The following ANGEL2 variants were observed in gnomAD, a reference collection of about 807,000 sequenced individuals.
The protein encoded by ANGEL2 is RNA 2',3'-cyclic phosphatase ANGEL2.
A neutral mutation model predicts 66.0 loss-of-function variants in ANGEL2; 41 were observed. The ratio of observed to expected loss-of-function variants is 0.62; its 90% CI spans 0.48 to 0.81. The LOEUF (loss-of-function observed/expected upper bound fraction) is 0.81, where lower values mean the gene tolerates loss of function less well. ANGEL2 is among the 30% of genes least tolerant of loss of function. The pLI is 0.00. For missense variants in ANGEL2, 561 were observed against 641.6 expected, an observed-to-expected ratio of 0.87 and a Z score of 1.36; for synonymous variants, 208 against 226.5, an observed-to-expected ratio of 0.92 and a Z score of 0.73.
At position 213,000,870 on chromosome 1, in the gene ANGEL2, A is replaced by C; in HGVS notation, c.1177T>G (p.Ser393Ala). The C allele has an allele frequency of 6.2e-7, 1 of 1,612,998 alleles. No individual in the cohort carries two copies. Among genetic ancestry groups the C allele is most frequent in the Non-Finnish European group, 8.5e-7 (1 of 1,179,856 alleles). The change falls in exon 6 of 9, where the codon TCT (serine) becomes GCT (alanine). Residue 393 changes from serine to alanine, a missense_variant. By Grantham distance (99) the Ser-to-Ala change is moderately conservative (BLOSUM62 1). Coordinates refer to ENST00000366962, the MANE Select transcript of ANGEL2 (RefSeq NM_144567.5). The part of the protein sequence containing the change: ...EQSSRGQRIL[S>A]IPIWPPNLGI... ...AGGTTTGGGGGCCAAATTGGAATAG[A>C]TAAAATTCTTTGTCCCCGTGAAGAC...
At position 212,993,605 on chromosome 1, in the gene ANGEL2, C is replaced by T. The variant is rs1281709247; in HGVS notation, c.*1436G>A. ...GCATATAATTCCTTGTTCCTACTGT[C>T]TACAAAAAAGGAAATTTCCACTTTT... On this transcript the variant is annotated 3_prime_UTR_variant, in exon 9 of 9. Transcript: ENST00000366962. 1 of 152,124 alleles carries T rather than the reference C, an allele frequency of 6.6e-6. No homozygotes were observed. Among genetic ancestry groups the T allele is most frequent in the African/African-American group, 2.4e-5 (1 of 41,426 alleles). 9.4% of individuals were successfully genotyped at this position (152,124 alleles called of 1,614,324 possible). A position where few individuals can be genotyped will look rare whatever the true frequency, so the allele number is the denominator to read the frequency against.
intron 2 of ANGEL2, among the ~76,000 whole-genome samples, 178 bp downstream of exon 2, chr1:213,012,915 A>AT (rs1424920803): frequency 6.6e-6 from 1 of 152,246 alleles, no homozygotes; most frequent in Non-Finnish European, 1.5e-5. Flanking sequence ...TTAGTTGAAG[A>AT]TAAAAATAAA....
chr1:213,008,184 G>T (rs1211900930), intron 3 of ANGEL2, 26 bp downstream of exon 3: 1 of 1,600,336 alleles, frequency 6.2e-7, no homozygotes, highest in African/African-American at 1.3e-5. Context: ...CTTATGTGAA[G>T]AATTTCAATA....
chr1:213,001,170 G>A (rs1266294634), intron 5 of ANGEL2: 5 of 404,386 alleles, frequency 1.2e-5, no homozygotes, highest in East Asian at 6.0e-5. Context: ...ATCATCTATC[G>A]CTTTGAACTA....
In ANGEL2 at chr1:212,997,158, G is replaced by A. The variant is rs772304924; in HGVS notation, c.1480C>T (p.Pro494Ser). The change falls in exon 8 of 9, where the codon CCA becomes TCA. Residue 494 changes from proline (P) to serine (S), a missense_variant. Pro to Ser is a moderately conservative substitution (Grantham distance 74). Coordinates refer to ENST00000366962, the MANE Select transcript of ANGEL2 (RefSeq NM_144567.5). ...TAAGATTACATGCATTCCTTACCTG[G>A]GTGCCCAGCAACATCTTCCTTTTCT... ...SAEKEDVAGH[P>S]GAEVALVGGL... The A allele has an allele frequency of 4.3e-6, 7 of 1,611,790 alleles. No homozygotes were observed. The highest frequency in any genetic ancestry group is 3.4e-6 in the Non-Finnish European group (4 of 1,178,312).
intron 8 of ANGEL2, among the ~76,000 whole-genome samples, chr1:212,996,269 T>C (rs879409859): frequency 2.2e-4 from 34 of 152,216 alleles, no homozygotes; most frequent in South Asian, 1.0e-3. Context: ...ATAGCGCCAC[T>C]GCACTCCAGC....
At chr1:213,000,648 G>GA in intron 6 of ANGEL2, 138 bp downstream of exon 6, 40 of 1,018,966 alleles carry the variant, frequency 3.9e-5, no homozygotes, top group Non-Finnish European at 4.7e-5. Context: ...GAGGTCTTAA[G>GA]AAAAAAAATG....
Position 213,013,368 on chromosome 1 carries a change from G to A in ANGEL2, c.110C>T (p.Thr37Ile), listed in dbSNP as rs778242810. 1 of 1,614,158 alleles carries A rather than the reference G, an allele frequency of 6.2e-7. No individual in the cohort carries two copies. The highest frequency in any genetic ancestry group is 8.5e-7 in the Non-Finnish European group (1 of 1,180,018). The stretch of plus-strand genomic sequence containing the variant: ...ACACCTTTGCAGATTCTCCCACGGT[G>A]TAGTCCAGTCTCTGCCCAGACTCCT... Reference protein sequence around the residue: ...HSRSLGRDWTTPWENLQRCCW... With the variant: ...HSRSLGRDWTIPWENLQRCCW... The change falls in exon 2 of 9, where the codon ACA becomes ATA. Residue 37 changes from threonine (T) to isoleucine (I), a missense_variant. Transcript: ENST00000366962.
chr1:213,002,592 T>A (rs2076206004), intron 5 of ANGEL2, among the ~76,000 whole-genome samples: 1 of 152,160 alleles, frequency 6.6e-6, no homozygotes, highest in African/African-American at 2.4e-5. Context: ...CTAGATGGCA[T>A]CTTCTTGCAA....
intron 7 of ANGEL2, among the ~76,000 whole-genome samples, chr1:212,998,307 T>C (rs766982661): frequency 4.4e-4 from 66 of 150,250 alleles, no homozygotes; most frequent in African/African-American, 1.6e-3. Flanking sequence ...CAGACTAAGG[T>C]AGGAGAAAGG....
chr1:212,994,996 AAAC>A lies in ANGEL2; in HGVS notation c.*42_*44del. On this transcript the variant is annotated 3_prime_UTR_variant, in exon 9 of 9. Coordinates refer to ENST00000366962, the MANE Select transcript of ANGEL2 (RefSeq NM_144567.5). ...ACTTAAGAACTTTACATTCTTTGAA[AAAC>A]AATACAAATTGGAAAGAAAATTAGT... is the stretch of plus-strand genomic sequence containing the variant. 6.5e-7 allele frequency: 1 copy of A among 1,546,144 alleles called. No homozygotes were observed. The highest frequency in any genetic ancestry group is 1.3e-5 in the South Asian group (1 of 79,958).
chr1:213,006,333 G>A (rs529832355), intron 4 of ANGEL2, among the ~76,000 whole-genome samples: 8 of 152,100 alleles, frequency 5.3e-5, no homozygotes, highest in South Asian at 4.2e-4. Flanking sequence ...GCATAGTGAC[G>A]GACGCCTGTA....
chr1:212,996,852 T>C (rs1267304006), intron 8 of ANGEL2, among the ~76,000 whole-genome samples: 1 of 151,558 alleles, frequency 6.6e-6, no homozygotes, highest in African/African-American at 2.4e-5. Flanking sequence ...AGTAAATTTA[T>C]GGCAAGCAAA....
chr1:213,008,436 C>G lies in ANGEL2; in HGVS notation c.416G>C (p.Cys139Ser), dbSNP rs1252072044. The G allele has an allele frequency of 6.2e-7, 1 of 1,613,660 alleles. No individual in the cohort carries two copies. Among genetic ancestry groups the G allele is most frequent in the Non-Finnish European group, 8.5e-7 (1 of 1,179,884 alleles). ...GVIKRNWEYI[C>S]SHDKEKTKIL... ...CTTCGTTTTTTCTTTATCATGGCTA[C>G]ATATATATTCCCAATTCCGCTTTAT... The change falls in exon 3 of 9, where the codon TGT (cysteine) becomes TCT (serine). Residue 139 changes from cysteine to serine, a missense_variant. By Grantham distance (112) the Cys-to-Ser change is moderately radical. Coordinates refer to ENST00000366962, the MANE Select transcript of ANGEL2 (RefSeq NM_144567.5).
intron 2 of ANGEL2, among the ~76,000 whole-genome samples, chr1:213,009,293 T>C (rs1166276909): frequency 6.6e-6 from 1 of 152,232 alleles, no homozygotes; most frequent in Admixed American, 6.5e-5. Flanking sequence ...TGTATTCACC[T>C]TTGATCTTGT....
At chr1:213,011,602 C>T (rs1048657503) in intron 2 of ANGEL2, 5 of 335,998 alleles carry the variant, frequency 1.5e-5, no homozygotes, top group African/African-American at 2.2e-5. Context: ...GGCACTTTGA[C>T]ATACAGTATC....
At position 213,000,657 on chromosome 1, in the gene ANGEL2, T is replaced by C. The variant is rs1457971042; in HGVS notation, c.1261+129A>G. ...AATTTAGAGGTCTTAAGAAAAAAAATGAATAACTACATATTTATATATATG... is the reference window on the plus strand; with the variant it reads ...AATTTAGAGGTCTTAAGAAAAAAAACGAATAACTACATATTTATATATATG... On this transcript the variant is annotated intron_variant, in intron 6 of 8. Coordinates refer to ENST00000366962, the MANE Select transcript of ANGEL2 (RefSeq NM_144567.5). The C allele has an allele frequency of 6.5e-6, 7 of 1,079,896 alleles. No homozygotes were observed. The African/African-American group carries it at 9.8e-5, about 15-fold the overall frequency. 66.9% of individuals were successfully genotyped at this position (1,079,896 alleles called of 1,614,324 possible).
intron 3 of ANGEL2, 67 bp downstream of exon 3, chr1:213,008,143 C>T: frequency 6.5e-7 from 1 of 1,530,756 alleles, no homozygotes; most frequent in Non-Finnish European, 8.8e-7. Flanking sequence ...GGATTACAAG[C>T]ATGAGCCAGT....
At chr1:212,999,931 G>C (rs777970761) in intron 7 of ANGEL2, among the ~76,000 whole-genome samples, 14 of 152,186 alleles carry the variant, frequency 9.2e-5, no homozygotes, top group Non-Finnish European at 1.5e-4. Flanking sequence ...ATTTTTATGT[G>C]ATCTTGACCT....
Sources: allele counts gnomAD v4.1 joint callset (sites outside exome capture counted in the v4.1 genomes callset), GRCh38; gene constraint gnomAD v4.1.1; transcripts MANE v1.5; gene names NCBI Gene and HGNC (gene_info 2026-07-23, HGNC 2026-07-21).